Variants in PRC1 observed in about 807,000 individuals in gnomAD.
PRC1 encodes anaphase spindle elongation 1 homolog.
In PRC1, 54 loss-of-function variants were observed where a neutral mutation model predicts 91.2. That is an observed-to-expected ratio of 0.59 (90% CI 0.48 to 0.74). The LOEUF (loss-of-function observed/expected upper bound fraction) is 0.74, where lower values mean the gene tolerates loss of function less well. Among genes scored for constraint, PRC1 ranks in the 30% least tolerant of loss-of-function variants. PRC1 has a pLI of 0.00. For synonymous variants in PRC1, 275 were observed against 263.6 expected (o/e 1.04, Z -0.42); for missense variants, 727 against 746.2 (o/e 0.97, Z 0.30).
At chr15:90,990,474 C>A (rs2039911866) in intron 1 of PRC1, among the ~76,000 whole-genome samples, 1 of 150,756 alleles carries the variant, frequency 6.6e-6, no homozygotes, top group Admixed American at 6.6e-5. Flanking sequence ...AGTCCTCCCA[C>A]CTTGGGCTCC....
chr15:90,984,622 T>C lies in PRC1; in HGVS notation c.144+71A>G. 2 of 1,577,756 alleles carry C rather than the reference T, an allele frequency of 1.3e-6. No individual in the cohort carries two copies. Among genetic ancestry groups the C allele is most frequent in the Non-Finnish European group, 1.7e-6 (2 of 1,155,322 alleles). On this transcript the variant is annotated intron_variant, in intron 2 of 14. Transcript: ENST00000394249. The surrounding 1 kb of genome is among the most constrained non-coding windows in gnomAD (Gnocchi z 5.1). ...TGCCGATGATCACATGTCCCTTCTG[T>C]ATGCTATCTCGGGTGAGACACCAAC...
At chr15:90,968,886 C>T in intron 14 of PRC1, 193 bp downstream of exon 14, 1 of 1,396,314 alleles carries the variant, frequency 7.2e-7, no homozygotes, top group Non-Finnish European at 9.4e-7. Context: ...CAATTCAAGT[C>T]TGAACAAATT....
intron 11 of PRC1, among the ~76,000 whole-genome samples, chr15:90,972,597 G>A (rs978100364): frequency 1.3e-5 from 2 of 151,948 alleles, no homozygotes; most frequent in East Asian, 3.9e-4. Context: ...ATATTAGCCG[G>A]GTGTGGTGGC....
chr15:90,980,560 C>A (rs1200348347), intron 6 of PRC1, 171 bp from the exon 7 acceptor site: 1 of 834,916 alleles, frequency 1.2e-6, no homozygotes, highest in Non-Finnish European at 1.8e-6. Flanking sequence ...ACTCTCTCGC[C>A]CAGACAGGAG....
chr15:90,968,666 G>C (rs1328913801), intron 14 of PRC1: 36 of 1,017,574 alleles, frequency 3.5e-5, no homozygotes, highest in Non-Finnish European at 4.0e-5. Context: ...AGCCCTGAGG[G>C]GTTAGGAAGG....
chr15:90,969,762 ACATATATATAT>A (rs2037907289), intron 12 of PRC1, 139 bp from the exon 13 acceptor site: 5 of 174,658 alleles, frequency 2.9e-5, no homozygotes, highest in Admixed American at 1.4e-4. Flanking sequence ...TAAAAAAAAA[ACATATATATAT>A]ATATATATAT....
intron 8 of PRC1, 101 bp downstream of exon 8, chr15:90,979,057 G>C: frequency 1.5e-6 from 2 of 1,338,760 alleles, no homozygotes; most frequent in African/African-American, 1.5e-5. Flanking sequence ...TAATGATAAA[G>C]ATGGGGTATC....
chr15:90,976,996 G>A (rs1304553628), intron 8 of PRC1, among the ~76,000 whole-genome samples: 2 of 151,818 alleles, frequency 1.3e-5, no homozygotes, highest in Non-Finnish European at 2.9e-5. Context: ...CGAGCATGAC[G>A]GTGCGCACGT....
chr15:90,974,215 T>C lies in PRC1; in HGVS notation c.1382A>G (p.Glu461Gly), dbSNP rs1230007406. Residue 461 changes from glutamate to glycine, a missense_variant, in exon 11 of 15, where the codon GAG (glutamate) becomes GGG (glycine). Coordinates refer to ENST00000394249, the MANE Select transcript of PRC1 (RefSeq NM_003981.4). This position sits in a 1 kb window ranked among gnomAD's most constrained non-coding sequence, Gnocchi z 4.6. ...QLKNKKQTET[E>G]MLYGSAPRTP... is the part of the protein sequence containing the mutation. ...TCGAGGAGCGCTGCCATACAGCATC[T>C]CTGTCTCTGTCTGTTTTTTGTTCTT... is the stretch of plus-strand genomic sequence containing the variant. 1 of 1,614,074 alleles carries C rather than the reference T, an allele frequency of 6.2e-7. No homozygotes were observed. The highest frequency in any genetic ancestry group is 8.5e-7 in the Non-Finnish European group (1 of 1,180,022).
intron 1 of PRC1, chr15:90,986,127 A>C (rs967917336): frequency 4.6e-5 from 7 of 152,172 alleles, no homozygotes; most frequent in African/African-American, 7.2e-5. Context: ...TATTTTAAAA[A>C]CTGTTGGCAG....
chr15:90,990,391 A>ATT (rs200166312), intron 1 of PRC1, among the ~76,000 whole-genome samples: 5 of 141,774 alleles, frequency 3.5e-5, no homozygotes, highest in South Asian at 4.3e-4. Context: ...TAAATAAATA[A>ATT]TTTTTTTTTT....
At chr15:90,973,984 A>C (rs1456985417) in intron 11 of PRC1, 152 bp downstream of exon 11, 2 of 642,110 alleles carry the variant, frequency 3.1e-6, no homozygotes, top group Non-Finnish European at 5.5e-6. Context: ...TTCTTTCTCT[A>C]TACTTTGTGT....
chr15:90,966,922 T>C lies in PRC1; in HGVS notation c.*209A>G. On this transcript the variant is annotated 3_prime_UTR_variant, in exon 15 of 15. Transcript: ENST00000394249. ...TCTTGCCATAAACTTTTCATGTATA[T>C]AAGTCAAAACCAAGTCTCCTAGGAC... 1 of 586,778 alleles carries C rather than the reference T, an allele frequency of 1.7e-6. No individual in the cohort carries two copies. The highest frequency in any genetic ancestry group is 3.0e-6 in the Non-Finnish European group (1 of 329,744). 36.3% of individuals were successfully genotyped at this position (586,778 alleles called of 1,614,324 possible).
intron 11 of PRC1, among the ~76,000 whole-genome samples, chr15:90,971,900 G>A (rs1390790198): frequency 6.6e-6 from 1 of 151,818 alleles, no homozygotes; most frequent in Non-Finnish European, 1.5e-5. Flanking sequence ...TAGTGGCGCG[G>A]GCCTGTAGTC....
At chr15:90,967,289 G>T (rs2037586172) in intron 14 of PRC1, 87 bp from the exon 15 acceptor site, 4 of 1,149,230 alleles carry the variant, frequency 3.5e-6, no homozygotes, top group Non-Finnish European at 2.6e-6. Context: ...GTCAGCAAAA[G>T]GTCCCTTGAA....
In PRC1 at chr15:90,981,764, G is replaced by C; in HGVS notation, c.485C>G (p.Thr162Ser). Residue 162 changes from threonine to serine, a missense_variant, in exon 4 of 15, where the codon ACT becomes AGT. Physicochemically the swap from Thr to Ser is moderately conservative, Grantham distance 58. Transcript: ENST00000394249. ...ELNQFRQHVT[T>S]LRETKASRRE... The stretch of plus-strand genomic sequence containing the variant: ...GCAGTGTACCTTTGTTTCCCTCAAA[G>C]TTGTCACATGTTGCCTGAACTGGTT... 6.2e-7 allele frequency: 1 copy of C among 1,610,876 alleles called. No homozygotes were observed. Among genetic ancestry groups the C allele is most frequent in the Non-Finnish European group, 8.5e-7 (1 of 1,177,682 alleles).
chr15:90,976,399 T>G (rs978391865), intron 9 of PRC1, among the ~76,000 whole-genome samples: 1 of 144,576 alleles, frequency 6.9e-6, no homozygotes. Flanking sequence ...CAGGCTGGTC[T>G]TGAACTCCTG....
Position 90,993,070 on chromosome 15 carries a change from C to CAAAAAAA in PRC1, c.11+1330_11+1336dup, listed in dbSNP as rs67427806. ...TGGGCGACAGAGTGAGACCCCGTCT[C>CAAAAAAA]AAAAAAAAAAAAAAAAAAAAAAAAA... On this transcript the variant is annotated intron_variant, in intron 1 of 14. Coordinates refer to ENST00000394249, the MANE Select transcript of PRC1 (RefSeq NM_003981.4). Among the ~76,000 whole-genome samples the CAAAAAAA allele has an allele frequency of 1.2e-3, 37 of 30,942 alleles. 5 individuals carry two copies. Among genetic ancestry groups the CAAAAAAA allele is most frequent in the African/African-American group, 2.7e-3 (26 of 9,752 alleles). The allele number at this position is 30,942 out of a possible 152,430, so 20.3% of individuals were successfully genotyped here.
At chr15:90,988,063 G>C (rs1279045408) in intron 1 of PRC1, 1 of 151,862 alleles carries the variant, frequency 6.6e-6, no homozygotes, top group South Asian at 2.1e-4. Flanking sequence ...AAGTCCAACA[G>C]AACTTAAAGG....
Sources: allele counts gnomAD v4.1 joint callset (sites outside exome capture counted in the v4.1 genomes callset), GRCh38; gene constraint gnomAD v4.1.1; non-coding constraint Gnocchi (gnomAD v3.1); transcripts MANE v1.5; gene names NCBI Gene and HGNC (gene_info 2026-07-23, HGNC 2026-07-21).